Variants in L3MBTL3 observed in about 807,000 individuals in gnomAD.
L3MBTL3 encodes the protein lethal(3)malignant brain tumor-like protein 3.
L3MBTL3 carries 27 observed loss-of-function variants against 102.3 expected under a neutral mutation model. The observed-to-expected ratio is 0.26, with a 90% CI of 0.19 to 0.36. L3MBTL3 has a LOEUF of 0.36. Ranked by LOEUF, L3MBTL3 falls within the 10% of genes least tolerant of loss-of-function variation. The pLI is 1.00. For synonymous variants in L3MBTL3, 340 were observed against 320.9 expected (o/e 1.06, Z -0.64); for missense variants, 798 against 955.3 (o/e 0.84, Z 2.17).
intron 19 of L3MBTL3, among the ~76,000 whole-genome samples, chr6:130,108,242 T>C (rs967770391): frequency 7.0e-6 from 1 of 142,226 alleles, no homozygotes; most frequent in African/African-American, 2.5e-5. Flanking sequence ...TTTTTTTTTT[T>C]TTTTTTTTTT....
At chr6:130,053,372 A>G (rs893425954) in intron 7 of L3MBTL3, among the ~76,000 whole-genome samples, 1 of 152,192 alleles carries the variant, frequency 6.6e-6, no homozygotes, top group African/African-American at 2.4e-5. Flanking sequence ...GTGGTGGCTC[A>G]TGCCTGTAAT....
intron 2 of L3MBTL3, among the ~76,000 whole-genome samples, chr6:130,033,526 A>AT (rs546616782): frequency 1.3e-3 from 197 of 152,230 alleles, no homozygotes; most frequent in African/African-American, 4.4e-3. Flanking sequence ...CATAGTAATG[A>AT]TTTTAGGGTT....
chr6:130,074,032 T>C (rs1782795764), intron 13 of L3MBTL3, among the ~76,000 whole-genome samples: 2 of 152,224 alleles, frequency 1.3e-5, no homozygotes. Flanking sequence ...AATATTATGC[T>C]CTTTGATCTT....
At chr6:130,061,685 G>A (rs1046267027) in intron 10 of L3MBTL3, among the ~76,000 whole-genome samples, 1 of 152,164 alleles carries the variant, frequency 6.6e-6, no homozygotes, top group Non-Finnish European at 1.5e-5. Context: ...GAAGAGGAGG[G>A]TCAGAGTTTC....
intron 1 of L3MBTL3, among the ~76,000 whole-genome samples, chr6:130,019,740 C>T (rs546864150): frequency 4.6e-5 from 7 of 151,752 alleles, no homozygotes; most frequent in Admixed American, 3.9e-4. Context: ...TATAGATCAG[C>T]TCCAATTTCC....
rs529488935 is a variant in L3MBTL3, at chr6:130,075,416, CA to C, written c.1245-3141del. On this transcript the variant is annotated intron_variant, in intron 13 of 22. Coordinates refer to ENST00000361794, the MANE Select transcript of L3MBTL3 (RefSeq NM_032438.4). ...GAAAGCACTTCCTTGTGTTTTGGCC[CA>C]GGGGTAGGATGTGTTTGGGTAATGG... 3.3e-5 allele frequency among the ~76,000 whole-genome samples: 5 copies of C among 152,094 alleles called. No homozygotes were observed. The South Asian group carries it at 1.0e-3, about 32-fold the overall frequency.
At chr6:130,073,994 G>C (rs949113898) in intron 13 of L3MBTL3, among the ~76,000 whole-genome samples, 3 of 152,086 alleles carry the variant, frequency 2.0e-5, no homozygotes, top group African/African-American at 7.2e-5. Context: ...AATTGTTTAA[G>C]TGCTCTGGAA....
At chr6:130,024,658 T>A (rs1403967542) in intron 2 of L3MBTL3, among the ~76,000 whole-genome samples, 1 of 152,170 alleles carries the variant, frequency 6.6e-6, no homozygotes, top group Admixed American at 6.5e-5. Context: ...ACCGTTGGCA[T>A]CCCAAGGATG....
At chr6:130,036,698 TCTTA>T (rs1780088826) in intron 2 of L3MBTL3, among the ~76,000 whole-genome samples, 1 of 152,226 alleles carries the variant, frequency 6.6e-6, no homozygotes, top group Admixed American at 6.5e-5. Flanking sequence ...CGTCTGCATG[TCTTA>T]CTGACATTTT....
chr6:130,088,823 T>C (rs192716429), intron 16 of L3MBTL3, among the ~76,000 whole-genome samples: 4 of 152,352 alleles, frequency 2.6e-5, no homozygotes, highest in East Asian at 1.9e-4. Flanking sequence ...CATGTTGTGG[T>C]AATTCAAGAT....
At chr6:130,094,624 ATAGT>A (rs1057317218) in intron 18 of L3MBTL3, among the ~76,000 whole-genome samples, 57 of 152,296 alleles carry the variant, frequency 3.7e-4, no homozygotes, top group African/African-American at 6.0e-4. Flanking sequence ...AGATTTACAA[ATAGT>A]TAGTTTCTGC....
chr6:130,106,169 A>G (rs1315999878), intron 19 of L3MBTL3, among the ~76,000 whole-genome samples: 2 of 152,168 alleles, frequency 1.3e-5, no homozygotes, highest in African/African-American at 4.8e-5. Flanking sequence ...AGTAATTACT[A>G]CCTATTAAAA....
intron 11 of L3MBTL3, 88 bp downstream of exon 11, chr6:130,066,576 T>A: frequency 8.2e-7 from 1 of 1,215,864 alleles, no homozygotes; most frequent in African/African-American, 1.5e-5. Flanking sequence ...ATTCAGACTT[T>A]ATGAAAATTC....
rs2114503779 is a variant in L3MBTL3 at position 130,139,781 on chromosome 6, A to G, written c.*28A>G. ...ATGGTGAATTCTGAATACCATCAGC[A>G]TTCTGCTTTAAAGCTCATGTTTTAT... On this transcript the variant is annotated 3_prime_UTR_variant, in exon 23 of 23. Transcript: ENST00000361794. 2 of 1,606,656 alleles carry G rather than the reference A, an allele frequency of 1.2e-6. No individual in the cohort carries two copies. Among genetic ancestry groups the G allele is most frequent in the Middle Eastern group, 1.7e-4 (1 of 5,954 alleles).
intron 13 of L3MBTL3, among the ~76,000 whole-genome samples, chr6:130,074,559 G>A (rs1782837066): frequency 6.6e-6 from 1 of 152,354 alleles, no homozygotes; most frequent in African/African-American, 2.4e-5. Flanking sequence ...TCCCGCCACT[G>A]CAGCCTCCTT....
At chr6:130,122,055 AGTT>A (rs1360910696) in intron 20 of L3MBTL3, among the ~76,000 whole-genome samples, 1 of 152,204 alleles carries the variant, frequency 6.6e-6, no homozygotes, top group Non-Finnish European at 1.5e-5. Flanking sequence ...TAAGCAATGA[AGTT>A]GTAATAACTG....
chr6:130,133,412 G>A lies in L3MBTL3; in HGVS notation c.1967-40G>A. ...GCACGGCATTTGGGGCTTTCTTGCT[G>A]CTTTCAGAGAGTGATTTCCCATTTG... On this transcript the variant is annotated intron_variant, in intron 20 of 22. Coordinates refer to ENST00000361794, the MANE Select transcript of L3MBTL3 (RefSeq NM_032438.4). The surrounding 1 kb of genome is among the most constrained non-coding windows in gnomAD (Gnocchi z 4.9). 6.2e-7 allele frequency: 1 copy of A among 1,604,278 alleles called. No homozygotes were observed. The highest frequency in any genetic ancestry group is 8.5e-7 in the Non-Finnish European group (1 of 1,173,630).
At chr6:130,052,790 G>A in intron 6 of L3MBTL3, 69 bp from the exon 7 acceptor site, 3 of 1,512,028 alleles carry the variant, frequency 2.0e-6, no homozygotes, top group Non-Finnish European at 2.7e-6. Flanking sequence ...TTGTTGCATT[G>A]ATAATCAACA....
chr6:130,134,209 A>T (rs1787372999), intron 22 of L3MBTL3, among the ~76,000 whole-genome samples: 1 of 152,236 alleles, frequency 6.6e-6, no homozygotes, highest in African/African-American at 2.4e-5. Flanking sequence ...TATAGCACAG[A>T]GGAAGCCAAA....
Sources: gnomAD v4.1 joint callset for allele counts (sites outside exome capture counted in the v4.1 genomes callset) on GRCh38, gnomAD v4.1.1 for gene constraint, Gnocchi (gnomAD v3.1) non-coding constraint, MANE v1.5 for transcripts, NCBI Gene and HGNC (gene_info 2026-07-23, HGNC 2026-07-21) for gene names.